The following UCHL5 variants were observed in gnomAD, a reference collection of about 807,000 sequenced individuals.
UCHL5 encodes the protein ubiquitin carboxyl-terminal hydrolase isozyme L5.
In UCHL5, 34 loss-of-function variants were observed where a neutral mutation model predicts 53.8. The ratio of observed to expected loss-of-function variants is 0.63; its 90% CI spans 0.48 to 0.84. The LOEUF is 0.84. Among genes scored for constraint, UCHL5 ranks in the 40% least tolerant of loss-of-function variants. The probability of loss-of-function intolerance (pLI) is 0.00; values close to 1 mark genes in which losing one functional copy is unlikely to be tolerated. For missense variants in UCHL5, 290 were observed against 385.6 expected, an observed-to-expected ratio of 0.75 and a Z score of 2.08; for synonymous variants, 111 against 126.3, an observed-to-expected ratio of 0.88 and a Z score of 0.81.
intron 8 of UCHL5, among the ~76,000 whole-genome samples, chr1:193,023,357 A>C (rs1159312250): frequency 6.6e-6 from 1 of 152,204 alleles, no homozygotes; most frequent in Non-Finnish European, 1.5e-5. Flanking sequence ...ATTGTAAAAT[A>C]AACTTTGTCT....
intron 10 of UCHL5, among the ~76,000 whole-genome samples, chr1:193,016,655 A>G (rs1044737753): frequency 1.3e-5 from 2 of 151,874 alleles, no homozygotes; most frequent in Non-Finnish European, 2.9e-5. Context: ...AATTATTATA[A>G]TTGTAATAAT....
intron 3 of UCHL5, among the ~76,000 whole-genome samples, chr1:193,048,811 T>C (rs1219796109): frequency 6.6e-6 from 1 of 152,246 alleles, no homozygotes. Flanking sequence ...GTAACTATAG[T>C]TATTTTTCAT....
chr1:193,032,159 G>A (rs561085179), intron 3 of UCHL5, among the ~76,000 whole-genome samples: 3 of 152,108 alleles, frequency 2.0e-5, no homozygotes, highest in Non-Finnish European at 4.4e-5. Context: ...CCCCAGACTA[G>A]AGAATTTCTT....
At chr1:193,054,833 T>A (rs955849582) in intron 1 of UCHL5, among the ~76,000 whole-genome samples, 1 of 152,158 alleles carries the variant, frequency 6.6e-6, no homozygotes, top group Non-Finnish European at 1.5e-5. Context: ...AACTTACGGG[T>A]CAGAGTTGTT....
In UCHL5 at chr1:193,014,188, A is replaced by G. The variant is rs989774862; in HGVS notation, c.*2163T>C. On this transcript the variant is annotated 3_prime_UTR_variant, in exon 11 of 11. Transcript: ENST00000367454. The stretch of plus-strand genomic sequence containing the variant: ...ATTTTCTCTACCCTCTAGCTTCATG[A>G]CTTAATTTCAAACCAGCAACATATA... 1.3e-5 allele frequency: 2 copies of G among 152,092 alleles called. No homozygotes were observed. Among genetic ancestry groups the G allele is most frequent in the Non-Finnish European group, 2.9e-5 (2 of 68,024 alleles). The allele number at this position is 152,092 out of a possible 1,614,324, so 9.4% of individuals were successfully genotyped here.
At chr1:193,055,331 C>A (rs919912718) in intron 1 of UCHL5, among the ~76,000 whole-genome samples, 1 of 152,118 alleles carries the variant, frequency 6.6e-6, no homozygotes, top group Non-Finnish European at 1.5e-5. Context: ...GGCTAGCAGC[C>A]CCCCTTGTTA....
At chr1:193,022,214 T>G (rs910474569) in intron 9 of UCHL5, among the ~76,000 whole-genome samples, 3 of 152,148 alleles carry the variant, frequency 2.0e-5, no homozygotes, top group African/African-American at 7.2e-5. Flanking sequence ...GGCCCATTCA[T>G]TTCACTTAAC....
At chr1:193,031,354 G>A (rs1001975470) in intron 3 of UCHL5, among the ~76,000 whole-genome samples, 3 of 152,014 alleles carry the variant, frequency 2.0e-5, no homozygotes, top group African/African-American at 7.2e-5. Context: ...GTGAGGCTAC[G>A]GCAGAAAAGA....
At chr1:193,052,077 C>G (rs1340937293) in intron 1 of UCHL5, among the ~76,000 whole-genome samples, 1 of 152,122 alleles carries the variant, frequency 6.6e-6, no homozygotes, top group Admixed American at 6.6e-5. Context: ...CTCTCTCAAT[C>G]TCTGGCACCT....
chr1:193,025,695 C>A (rs1025111983), intron 7 of UCHL5, among the ~76,000 whole-genome samples: 1 of 152,082 alleles, frequency 6.6e-6, no homozygotes, highest in African/African-American at 2.4e-5. Flanking sequence ...AGGTGGCACC[C>A]ACAATTTACA....
intron 3 of UCHL5, among the ~76,000 whole-genome samples, chr1:193,035,958 C>T (rs1663227564): frequency 6.6e-6 from 1 of 151,688 alleles, no homozygotes. Flanking sequence ...GTTTTGTAAG[C>T]TTCATGGTAA....
intron 1 of UCHL5, among the ~76,000 whole-genome samples, chr1:193,055,916 T>C (rs1670490829): frequency 6.6e-6 from 1 of 152,206 alleles, no homozygotes; most frequent in Non-Finnish European, 1.5e-5. Flanking sequence ...TTGGGAAGCA[T>C]TCCTTCCTCT....
intron 7 of UCHL5, among the ~76,000 whole-genome samples, chr1:193,024,517 T>C (rs546232001): frequency 8.3e-4 from 124 of 150,256 alleles, no homozygotes; most frequent in African/African-American, 2.9e-3. Flanking sequence ...CTCCGTATTA[T>C]ATAATTTTTT....
intron 10 of UCHL5, chr1:193,018,752 T>G: frequency 6.6e-7 from 1 of 1,519,236 alleles, no homozygotes; most frequent in East Asian, 2.5e-5. Context: ...CACTGCATGG[T>G]GCAGCCATAT....
intron 3 of UCHL5, among the ~76,000 whole-genome samples, chr1:193,032,400 G>C (rs571805993): frequency 6.6e-6 from 1 of 152,012 alleles, no homozygotes; most frequent in Non-Finnish European, 1.5e-5. Context: ...AAATTTAAAC[G>C]TAAGACCTAA....
intron 10 of UCHL5, among the ~76,000 whole-genome samples, chr1:193,017,625 C>T (rs995813436): frequency 1.3e-5 from 2 of 151,470 alleles, no homozygotes; most frequent in African/African-American, 4.8e-5. Context: ...CCTTATTGAT[C>T]TGAGTATACT....
intron 9 of UCHL5, among the ~76,000 whole-genome samples, chr1:193,021,400 CT>C (rs1656954435): frequency 6.6e-6 from 1 of 152,148 alleles, no homozygotes; most frequent in African/African-American, 2.4e-5. Flanking sequence ...CCTCCTGCCC[CT>C]GACTTAGCAA....
chr1:193,020,253 T>A, intron 10 of UCHL5: 1 of 1,512,308 alleles, frequency 6.6e-7, no homozygotes, highest in East Asian at 2.5e-5. Context: ...ACAGCTTGGT[T>A]GAAATCAATC....
At chr1:193,054,077 C>G (rs1464053467) in intron 1 of UCHL5, among the ~76,000 whole-genome samples, 2 of 149,814 alleles carry the variant, frequency 1.3e-5, no homozygotes, top group East Asian at 3.9e-4. Flanking sequence ...AAAAAATGAT[C>G]ATACGATTTG....
Sources: gnomAD v4.1 joint callset for allele counts (sites outside exome capture counted in the v4.1 genomes callset) on GRCh38, gnomAD v4.1.1 for gene constraint, MANE v1.5 for transcripts, NCBI Gene and HGNC (gene_info 2026-07-23, HGNC 2026-07-21) for gene names.